Variants in CASQ2 observed in about 807,000 individuals in gnomAD.
CASQ2 encodes calsequestrin 2, also known as calsequestrin-2.
Under a neutral mutation model 46.5 loss-of-function variants are expected in CASQ2, and 49 were observed. The observed-to-expected ratio is 1.05, with a 90% CI of 0.84 to 1.34. CASQ2 has a LOEUF of 1.34. Ranked by LOEUF, CASQ2 falls within the 40% of genes most tolerant of loss-of-function variation. The probability of loss-of-function intolerance (pLI) is 0.00; values close to 1 mark genes in which losing one functional copy is unlikely to be tolerated. For missense variants in CASQ2, 486 were observed against 481.3 expected (o/e 1.01, Z -0.09); for synonymous variants, 174 against 168.5 (o/e 1.03, Z -0.25).
intron 1 of CASQ2, among the ~76,000 whole-genome samples, chr1:115,765,780 G>C (rs1265666980): frequency 6.6e-6 from 1 of 152,052 alleles, no homozygotes; most frequent in Non-Finnish European, 1.5e-5. Context: ...CTATTTGTCC[G>C]TGGCTGAGAC....
chr1:115,738,199 C>G, intron 4 of CASQ2, 25 bp downstream of exon 4: 1 of 1,373,750 alleles, frequency 7.3e-7, no homozygotes, highest in South Asian at 1.2e-5. Context: ...TTAGACTGAT[C>G]GGCTGGGGTT....
At chr1:115,717,640 A>G (rs930811693) in intron 8 of CASQ2, among the ~76,000 whole-genome samples, 200 bp downstream of exon 8, 1 of 152,172 alleles carries the variant, frequency 6.6e-6, no homozygotes, top group Non-Finnish European at 1.5e-5. Flanking sequence ...TAACATTCTG[A>G]TTTGTTCACA....
At chr1:115,727,873 C>T (rs954563772) in intron 5 of CASQ2, among the ~76,000 whole-genome samples, 1 of 152,182 alleles carries the variant, frequency 6.6e-6, no homozygotes, top group Non-Finnish European at 1.5e-5. Context: ...GCCAGGAAGA[C>T]ATTTTCTCTC....
rs186586463 is a variant in CASQ2 at position 115,738,164 on chromosome 1, A to G, written c.532+60T>C. On this transcript the variant is annotated intron_variant, in intron 4 of 10. Coordinates refer to ENST00000261448, the MANE Select transcript of CASQ2 (RefSeq NM_001232.4). ...ACCCATCCTCTTTTGGGGTAACCTG[A>G]CATACCTTGTTTGGAATCTAGCTTT... 5.2e-5 allele frequency: 53 copies of G among 1,010,484 alleles called. No individual in the cohort carries two copies. The East Asian group carries it at 1.1e-3, about 22-fold the overall frequency. 62.6% of individuals were successfully genotyped at this position (1,010,484 alleles called of 1,614,324 possible). A position where few individuals can be genotyped will look rare whatever the true frequency, so the allele number is the denominator to read the frequency against.
chr1:115,740,294 T>C (rs1325739336), intron 3 of CASQ2, among the ~76,000 whole-genome samples: 1 of 152,214 alleles, frequency 6.6e-6, no homozygotes, highest in Admixed American at 6.5e-5. Context: ...ACTGGGGGGC[T>C]GTTTAGCTCT....
chr1:115,752,531 G>T (rs1407626118), intron 1 of CASQ2, among the ~76,000 whole-genome samples: 1 of 152,170 alleles, frequency 6.6e-6, no homozygotes, highest in African/African-American at 2.4e-5. Flanking sequence ...GTGTGGATAG[G>T]CGGAGGGGGC....
intron 8 of CASQ2, among the ~76,000 whole-genome samples, chr1:115,717,366 G>A (rs1654736902): frequency 6.6e-6 from 1 of 152,138 alleles, no homozygotes; most frequent in Admixed American, 6.6e-5. Context: ...CTGACTTATG[G>A]AAGAATGCAG....
At chr1:115,712,556 C>G (rs754344325) in intron 8 of CASQ2, among the ~76,000 whole-genome samples, 32 of 152,144 alleles carry the variant, frequency 2.1e-4, no homozygotes, top group Admixed American at 3.9e-4. Flanking sequence ...ATAAAAACAG[C>G]ACCTAACACG....
At chr1:115,736,541 G>T (rs1427962951) in intron 4 of CASQ2, among the ~76,000 whole-genome samples, 1 of 151,950 alleles carries the variant, frequency 6.6e-6, no homozygotes, top group Non-Finnish European at 1.5e-5. Flanking sequence ...GGAGGCTGAG[G>T]CAGGAGAATC....
In CASQ2 at chr1:115,701,352, C is replaced by T. The variant is rs1654198936; in HGVS notation, c.1089G>A (p.Glu363=). ...TGTTTATCTTTCCAGAAAGCACATC[C>T]TCAATCCAGTCCTCCAGCTCCTCAG... ...PTAEELEDWI[E]DVLSGKINTE... Residue 363 remains glutamate (E), a synonymous_variant, in exon 11 of 11, where the codon GAG becomes GAA. Coordinates refer to ENST00000261448, the MANE Select transcript of CASQ2 (RefSeq NM_001232.4). 6.2e-7 allele frequency: 1 copy of T among 1,613,672 alleles called. No individual in the cohort carries two copies. The highest frequency in any genetic ancestry group is 8.5e-7 in the Non-Finnish European group (1 of 1,179,640).
At chr1:115,722,604 G>A (rs890125733) in intron 7 of CASQ2, among the ~76,000 whole-genome samples, 2 of 152,118 alleles carry the variant, frequency 1.3e-5, no homozygotes, top group African/African-American at 4.8e-5. Flanking sequence ...ATTGAGACTT[G>A]CCTCTTAGGA....
intron 2 of CASQ2, among the ~76,000 whole-genome samples, chr1:115,744,150 A>AAAAAG (rs1450964435): frequency 2.0e-5 from 3 of 151,878 alleles, no homozygotes; most frequent in Non-Finnish European, 4.4e-5. Context: ...TCAAAAAAAA[A>AAAAAG]AAAAAAAGAA....
intron 3 of CASQ2, 97 bp from the exon 4 acceptor site, chr1:115,738,432 T>G (rs573832435): frequency 1.9e-5 from 16 of 828,312 alleles, no homozygotes; most frequent in Non-Finnish European, 3.4e-5. Flanking sequence ...TAGCGGACTT[T>G]GTGGTTGGTG....
intron 8 of CASQ2, among the ~76,000 whole-genome samples, chr1:115,713,027 G>T (rs375303270): frequency 6.6e-6 from 1 of 152,092 alleles, no homozygotes; most frequent in African/African-American, 2.4e-5. Flanking sequence ...GCTTGGAGAC[G>T]TTCCTTCCAG....
At chr1:115,718,533 G>T (rs1175796755) in intron 7 of CASQ2, among the ~76,000 whole-genome samples, 1 of 152,220 alleles carries the variant, frequency 6.6e-6, no homozygotes, top group South Asian at 2.1e-4. Flanking sequence ...CCCATGTAGT[G>T]TGTAGGGGAC....
intron 1 of CASQ2, among the ~76,000 whole-genome samples, chr1:115,755,947 A>G (rs1342364590): frequency 6.6e-6 from 1 of 152,086 alleles, no homozygotes; most frequent in East Asian, 1.9e-4. Context: ...GCTACTGCCA[A>G]TAGTCGTTTA....
intron 1 of CASQ2, among the ~76,000 whole-genome samples, chr1:115,757,987 G>A (rs1648819730): frequency 6.6e-6 from 1 of 152,138 alleles, no homozygotes; most frequent in Non-Finnish European, 1.5e-5. Context: ...GCTCGCATTA[G>A]TCATTTAGGT....
intron 1 of CASQ2, among the ~76,000 whole-genome samples, chr1:115,767,764 T>C (rs10158526): frequency 0.37 from 56,574 of 151,964 alleles, 11,032 homozygotes; most frequent in East Asian, 0.53. Flanking sequence ...ATGAATATGC[T>C]GCTCAGAAGA....
In CASQ2 at chr1:115,719,945, A is replaced by T. The variant is rs928403022; in HGVS notation, c.784-2051T>A. Among the ~76,000 whole-genome samples the T allele has an allele frequency of 3.9e-5, 6 of 152,314 alleles. No homozygotes were observed. The East Asian group carries it at 5.8e-4, about 15-fold the overall frequency. ...AGGGATTATGCCTTAAGATAACAAC[A>T]GTTATTAAAGTGGCAACAATATCTG... On this transcript the variant is annotated intron_variant, in intron 7 of 10. Transcript: ENST00000261448.
Sources: gnomAD v4.1 joint callset for allele counts (sites outside exome capture counted in the v4.1 genomes callset) on GRCh38, gnomAD v4.1.1 for gene constraint, MANE v1.5 for transcripts, NCBI Gene and HGNC (gene_info 2026-07-23, HGNC 2026-07-21) for gene names.